The following SPATA25 variants were observed in gnomAD, a reference collection of about 807,000 sequenced individuals.
SPATA25 encodes spermatogenesis-associated protein 25.
In SPATA25, 16 loss-of-function variants were observed where a neutral mutation model predicts 16.0. That is an observed-to-expected ratio of 1.00 (90% CI 0.68 to 1.52). SPATA25 has a LOEUF of 1.52. Ranked by LOEUF, SPATA25 falls within the 40% of genes most tolerant of loss-of-function variation. SPATA25 has a pLI of 0.00. For synonymous variants in SPATA25, 115 were observed against 118.5 expected, an observed-to-expected ratio of 0.97 and a Z score of 0.19; for missense variants, 285 against 289.2, an observed-to-expected ratio of 0.99 and a Z score of 0.11.
chr20:45,888,856 G>A, upstream of SPATA25: 1 of 1,614,126 alleles, frequency 6.2e-7, no homozygotes, highest in Non-Finnish European at 8.5e-7. Flanking sequence ...AGGCGGCACA[G>A]AGTCTGCAGG....
chr20:45,887,412 A>G, intron 1 of SPATA25, 124 bp downstream of exon 1: 1 of 966,376 alleles, frequency 1.0e-6, no homozygotes, highest in Middle Eastern at 3.0e-4. Flanking sequence ...CTTTTCTTCT[A>G]AAAGAATTGA....
chr20:45,886,884 T>C lies in SPATA25; in HGVS notation c.317A>G (p.Asn106Ser), dbSNP rs2145804379. The C allele has an allele frequency of 6.2e-7, 1 of 1,614,120 alleles. No homozygotes were observed. The change falls in exon 2 of 2, where the codon AAT becomes AGT. Residue 106 changes from asparagine (N) to serine (S), a missense_variant. Asn to Ser is a conservative substitution (Grantham distance 46, BLOSUM62 1). Transcript: ENST00000372519. ...VRQLESLGWD[N>S]GYSRSRAPDL... Reference sequence around the variant, plus strand: ...AGGGGCTCTGCTTCTGGAGTAGCCATTGTCCCAGCCCAAGCTCTCCAGCTG... The same window carrying C: ...AGGGGCTCTGCTTCTGGAGTAGCCACTGTCCCAGCCCAAGCTCTCCAGCTG...
upstream of SPATA25, among the ~76,000 whole-genome samples, chr20:45,889,434 C>A (rs1005121712): frequency 2.6e-5 from 4 of 151,924 alleles, no homozygotes; most frequent in Admixed American, 2.0e-4. Context: ...TGAACTGCAG[C>A]CTTCAATTCT....
At chr20:45,888,913 G>T (rs755300235), upstream of SPATA25, 1 of 1,611,712 alleles carries the variant, frequency 6.2e-7, no homozygotes, top group South Asian at 1.1e-5. Context: ...TGAACTGGAG[G>T]GTGGGTCTGA....
At chr20:45,887,215 A>T in intron 1 of SPATA25, 70 bp from the exon 2 acceptor site, 2 of 1,515,274 alleles carry the variant, frequency 1.3e-6, no homozygotes, top group Non-Finnish European at 1.8e-6. Context: ...GGGGCAGGGC[A>T]TGGGAGCAGA....
rs1455153276 is a variant in SPATA25 at position 45,887,118 on chromosome 20, A to C, written c.83T>G (p.Leu28Arg). ...TGGCTCTACAGGACTACAGAGGCCA[A>C]GGGACAAGCCTGGAGAAGCAGCCCC... is the stretch of plus-strand genomic sequence containing the variant. ...QGGAASPGLS[L>R]GLCSPVEPVV... Residue 28 changes from leucine (L) to arginine (R), a missense_variant, in exon 2 of 2, where the codon CTT becomes CGT. Coordinates refer to ENST00000372519, the MANE Select transcript of SPATA25 (RefSeq NM_080608.4). 1.9e-6 allele frequency: 3 copies of C among 1,596,734 alleles called. No individual in the cohort carries two copies. Among genetic ancestry groups the C allele is most frequent in the Non-Finnish European group, 2.6e-6 (3 of 1,175,418 alleles).
chr20:45,888,301 G>A (rs183194630), upstream of SPATA25, among the ~76,000 whole-genome samples: 112 of 152,146 alleles, frequency 7.4e-4, no homozygotes, highest in Non-Finnish European at 1.3e-3. Context: ...TACAGGCCAG[G>A]TATTGGTATT....
chr20:45,890,930 G>A (rs777192123), upstream of SPATA25: 2 of 1,529,214 alleles, frequency 1.3e-6, no homozygotes, highest in Non-Finnish European at 1.8e-6. Flanking sequence ...GGTGGGAGGG[G>A]GCTCCGGGCG....
chr20:45,890,696 A>G (rs748011126), upstream of SPATA25: 3 of 1,613,726 alleles, frequency 1.9e-6, no homozygotes, highest in Non-Finnish European at 2.5e-6. Flanking sequence ...GGGCAGAGAA[A>G]ACTCGGGAAC....
chr20:45,886,886 G>A lies in SPATA25; in HGVS notation c.315C>T (p.Asp105=). Residue 105 remains aspartate, a synonymous_variant, in exon 2 of 2, where the codon GAC becomes GAT. Transcript: ENST00000372519. ...HVRQLESLGW[D]NGYSRSRAPD... is the part of the protein sequence containing the mutation. ...GGGCTCTGCTTCTGGAGTAGCCATT[G>A]TCCCAGCCCAAGCTCTCCAGCTGCC... 2 of 1,614,164 alleles carry A rather than the reference G, an allele frequency of 1.2e-6. No individual in the cohort carries two copies. Among genetic ancestry groups the A allele is most frequent in the South Asian group, 1.1e-5 (1 of 91,090 alleles).
rs1484976588 is a variant in SPATA25, at chr20:45,886,501, G to A, written c.*16C>T. 1.3e-6 allele frequency: 2 copies of A among 1,550,708 alleles called. No homozygotes were observed. Among genetic ancestry groups the A allele is most frequent in the African/African-American group, 1.4e-5 (1 of 73,298 alleles). On this transcript the variant is annotated 3_prime_UTR_variant, in exon 2 of 2. Coordinates refer to ENST00000372519, the MANE Select transcript of SPATA25 (RefSeq NM_080608.4). ...ACGGAGAAACCACCCTACATATCTG[G>A]TGCTATTTCATCCATCTACAAGCAG...
chr20:45,888,865 G>C (rs1409040963), upstream of SPATA25: 1 of 1,614,148 alleles, frequency 6.2e-7, no homozygotes, highest in Non-Finnish European at 8.5e-7. Flanking sequence ...AGAGTCTGCA[G>C]GGATGGCACT....
At chr20:45,889,541 T>TG (rs985907736), upstream of SPATA25, among the ~76,000 whole-genome samples, 6 of 152,180 alleles carry the variant, frequency 3.9e-5, no homozygotes, top group South Asian at 2.1e-4. Context: ...TTTGTACAGA[T>TG]GGGGTCTCAC....
chr20:45,890,274 G>T, upstream of SPATA25: 2 of 1,613,768 alleles, frequency 1.2e-6, no homozygotes, highest in South Asian at 1.1e-5. Context: ...TGGACAAGGC[G>T]CACGCTCTTT....
chr20:45,888,945 G>C, upstream of SPATA25: 1 of 1,577,372 alleles, frequency 6.3e-7, no homozygotes, highest in Non-Finnish European at 8.7e-7. Flanking sequence ...AGAAGGTCTA[G>C]GTCATGGTCC....
At chr20:45,890,319 G>A (rs1316363090), upstream of SPATA25, 7 of 1,613,312 alleles carry the variant, frequency 4.3e-6, no homozygotes, top group South Asian at 6.6e-5. Context: ...GCGTAGAGGG[G>A]CTGCGCAGCT....
upstream of SPATA25, chr20:45,888,879 GGAA>G (rs1601132256): frequency 6.2e-7 from 1 of 1,614,078 alleles, no homozygotes; most frequent in African/African-American, 1.3e-5. Context: ...TGGCACTGTG[GGAA>G]GAAGACTGTG....
At chr20:45,890,324 G>C (rs1199264362), upstream of SPATA25, 2 of 1,613,132 alleles carry the variant, frequency 1.2e-6, no homozygotes, top group Non-Finnish European at 1.7e-6. Context: ...GAGGGGCTGC[G>C]CAGCTGGCAG....
upstream of SPATA25, chr20:45,890,437 C>T (rs758984311): frequency 2.9e-5 from 46 of 1,609,602 alleles, 2 homozygotes; most frequent in South Asian, 3.6e-4. Flanking sequence ...GGCTACGGCG[C>T]GCGGTCGGAG....
Sources: gnomAD v4.1 joint callset for allele counts (sites outside exome capture counted in the v4.1 genomes callset) on GRCh38, gnomAD v4.1.1 for gene constraint, MANE v1.5 for transcripts, NCBI Gene and HGNC (gene_info 2026-07-23, HGNC 2026-07-21) for gene names.